Variants in NLRC5 observed in about 807,000 individuals in gnomAD.
NLRC5 encodes protein NLRC5.
A neutral mutation model predicts 206.9 loss-of-function variants in NLRC5; 114 were observed. The ratio of observed to expected loss-of-function variants is 0.55; its 90% confidence interval spans 0.47 to 0.64. The LOEUF is 0.64. Among genes scored for constraint, NLRC5 ranks in the 30% least tolerant of loss-of-function variants. NLRC5 has a pLI of 0.00. For synonymous variants in NLRC5, 952 were observed against 962.8 expected, an observed-to-expected ratio of 0.99 and a Z score of 0.21; for missense variants, 2,008 against 2,305.5, an observed-to-expected ratio of 0.87 and a Z score of 2.64.
At chr16:57,031,506 G>T (rs758316062) in intron 11 of NLRC5, 43 bp downstream of exon 11, 2 of 1,602,568 alleles carry the variant, frequency 1.2e-6, no homozygotes, top group Non-Finnish European at 1.7e-6. Flanking sequence ...ATCCTTAGAA[G>T]CAACTTGGGC....
intron 4 of NLRC5, 110 bp downstream of exon 4, chr16:57,022,425 C>A: frequency 1.1e-6 from 1 of 936,934 alleles, no homozygotes; most frequent in Non-Finnish European, 1.7e-6. Context: ...AGCCATTTCT[C>A]ATAGGCCATG....
At chr16:56,998,256 G>GA (rs2057863431) in intron 1 of NLRC5, among the ~76,000 whole-genome samples, 2 of 149,100 alleles carry the variant, frequency 1.3e-5, no homozygotes, top group African/African-American at 5.0e-5. Context: ...AGTAAGACAC[G>GA]AATCAGTCTT....
intron 1 of NLRC5, among the ~76,000 whole-genome samples, chr16:56,993,136 C>CGTATATATGTGT (rs1283484103): frequency 2.4e-5 from 2 of 83,976 alleles, no homozygotes; most frequent in Admixed American, 1.2e-4. Flanking sequence ...TATATATACA[C>CGTATATATGTGT]ACACACACAC....
At chr16:56,993,321 T>C (rs1051420083) in intron 1 of NLRC5, among the ~76,000 whole-genome samples, 1 of 152,194 alleles carries the variant, frequency 6.6e-6, no homozygotes, top group African/African-American at 2.4e-5. Flanking sequence ...CTCTTTCTTT[T>C]TAACAGCTGC....
At position 57,026,322 on chromosome 16, in the gene NLRC5, TG is replaced by T. The variant is rs762883583; in HGVS notation, c.1384del (p.Glu462ArgfsTer4). ...TTGCCCACCTCGTCCCTACTGGACC[TG>T]GGGGAGGTGGCCCTGAGGGGCCTGG... is the stretch of plus-strand genomic sequence containing the variant. ...GHLPTSSLLD[L>X]GEVALRGLET... On this transcript the variant is annotated frameshift_variant, in exon 6 of 49. Transcript: ENST00000688547. LOFTEE classifies it high-confidence loss of function. 6.2e-7 allele frequency: 1 copy of T among 1,613,960 alleles called. No homozygotes were observed. The highest frequency in any genetic ancestry group is 8.5e-7 in the Non-Finnish European group (1 of 1,180,046).
intron 30 of NLRC5, 45 bp from the exon 31 acceptor site, chr16:57,061,403 G>T: frequency 6.3e-7 from 1 of 1,576,060 alleles, no homozygotes. Context: ...GAGCAGCAGT[G>T]CCCACAGGCC....
At chr16:57,033,383 C>A (rs1489734698) in intron 11 of NLRC5, among the ~76,000 whole-genome samples, 2 of 152,234 alleles carry the variant, frequency 1.3e-5, no homozygotes, top group Non-Finnish European at 2.9e-5. Context: ...CTATACATGG[C>A]AGAGCCAAAA....
intron 11 of NLRC5, among the ~76,000 whole-genome samples, chr16:57,031,763 C>G (rs2061909641): frequency 1.4e-5 from 2 of 147,672 alleles, no homozygotes; most frequent in South Asian, 4.5e-4. Flanking sequence ...ATGGTGAAAA[C>G]TCTGGAAAAG....
intron 26 of NLRC5, 131 bp from the exon 27 acceptor site, chr16:57,055,302 C>A: frequency 1.1e-6 from 1 of 946,982 alleles, no homozygotes; most frequent in Non-Finnish European, 1.6e-6. Flanking sequence ...ATTCTGGACA[C>A]TTCCAGAGGG....
At chr16:57,061,861 G>C (rs1363923879) in intron 32 of NLRC5, 160 bp downstream of exon 32, 1 of 1,535,702 alleles carries the variant, frequency 6.5e-7, no homozygotes, top group South Asian at 1.2e-5. Flanking sequence ...CTGTCCCAGA[G>C]ACTCCACAAG....
At chr16:57,010,527 C>T (rs575784286) in intron 1 of NLRC5, among the ~76,000 whole-genome samples, 7 of 152,276 alleles carry the variant, frequency 4.6e-5, no homozygotes, top group African/African-American at 1.7e-4. Flanking sequence ...GCACACACCA[C>T]CACGCCCAGC....
At position 57,046,614 on chromosome 16, in the gene NLRC5, G is replaced by T. The variant is rs61735909; in HGVS notation, c.3311G>T (p.Arg1104Leu). 1.2e-6 allele frequency: 2 copies of T among 1,614,028 alleles called. No homozygotes were observed. The highest frequency in any genetic ancestry group is 2.2e-5 in the South Asian group (2 of 91,080). Residue 1104 changes from arginine (R) to leucine (L), a missense_variant, in exon 22 of 49, where the codon CGT (arginine) becomes CTT (leucine). Arg to Leu is a moderately radical substitution (Grantham distance 102). Transcript: ENST00000688547. ...GCTGCAGCCAAGTTCTTAGGGTTCC[G>T]TCAGCGCTGCATCCCCAGGAGCCTC... ...FPAAAKFLGF[R>L]QRCIPRSLCL... is the part of the protein sequence containing the mutation.
intron 1 of NLRC5, among the ~76,000 whole-genome samples, chr16:57,000,014 G>A (rs1244557667): frequency 6.6e-6 from 1 of 152,216 alleles, no homozygotes; most frequent in Non-Finnish European, 1.5e-5. Flanking sequence ...CTGGAGTGTG[G>A]CCCATTGGGA....
rs142333493 is a variant in NLRC5, at chr16:57,033,629, G to T, written c.2503G>T (p.Gly835Cys). ...AGCTCCAGACCTGCAGGAAAGTGAC[G>T]GCCAGAGGAAAGGGGCTCAGAGCAG... ...QRAPDLQESD[G>C]QRKGAQSRSL... Residue 835 changes from glycine (G) to cysteine (C), a missense_variant, in exon 12 of 49, where the codon GGC becomes TGC. Transcript: ENST00000688547. The T allele has an allele frequency of 5.7e-5, 92 of 1,613,978 alleles. 1 individual carries two copies. The African/African-American group carries it at 1.1e-3, about 19-fold the overall frequency.
rs373813453 is a variant in NLRC5 at position 57,055,056 on chromosome 16, C to G, written c.3621C>G (p.His1207Gln). 127 of 1,614,118 alleles carry G rather than the reference C, an allele frequency of 7.9e-5. 1 individual carries two copies. The highest frequency in any genetic ancestry group is 5.8e-4 in the Admixed American group (35 of 60,014). Residue 1207 changes from histidine (H) to glutamine (Q), a missense_variant, in exon 26 of 49, where the codon CAC (histidine) becomes CAG (glutamine). Coordinates refer to ENST00000688547, the MANE Select transcript of NLRC5 (RefSeq NM_001384950.1). ...DLRSLHHATL[H>Q]FRSNEEEEGV... is the part of the protein sequence containing the mutation. ...GGTCCCTGCACCATGCAACTTTGCA[C>G]TTCAGATCCAACGAGGAGGAGGAAG...
In NLRC5 at chr16:57,025,573, G is replaced by C; in HGVS notation, c.630G>C (p.Ser210=). 1 of 1,614,060 alleles carries C rather than the reference G, an allele frequency of 6.2e-7. No individual in the cohort carries two copies. Among genetic ancestry groups the C allele is most frequent in the Non-Finnish European group, 8.5e-7 (1 of 1,179,972 alleles). The change falls in exon 6 of 49, where the codon TCG becomes TCC. Residue 210 remains serine, a synonymous_variant. Coordinates refer to ENST00000688547, the MANE Select transcript of NLRC5 (RefSeq NM_001384950.1). ...KVEDGADVSI[S]DLFNTRVNKG... ...AAGATGGTGCTGACGTGAGCATCTC[G>C]GACCTCTTCAACACCAGGGTTAACA...
intron 33 of NLRC5, among the ~76,000 whole-genome samples, chr16:57,065,758 C>T (rs574750259): frequency 3.3e-5 from 5 of 152,234 alleles, no homozygotes; most frequent in Admixed American, 6.5e-5. Context: ...CAACCTCCTG[C>T]TCTTAAAAGA....
chr16:57,021,956 T>TAC (rs1180467172), intron 3 of NLRC5, among the ~76,000 whole-genome samples: 1 of 152,228 alleles, frequency 6.6e-6, no homozygotes, highest in Admixed American at 6.5e-5. Flanking sequence ...TACATGTGGG[T>TAC]ATGTGCGTAA....
Position 57,040,709 on chromosome 16 carries a change from G to T in NLRC5, c.2930G>T (p.Arg977Leu). 6.2e-7 allele frequency: 1 copy of T among 1,614,122 alleles called. No individual in the cohort carries two copies. The highest frequency in any genetic ancestry group is 8.5e-7 in the Non-Finnish European group (1 of 1,179,990). Residue 977 changes from arginine to leucine, a missense_variant, in exon 17 of 49, where the codon CGA (arginine) becomes CTA (leucine). Physicochemically the swap from Arg to Leu is moderately radical, Grantham distance 102 (BLOSUM62 -2). Coordinates refer to ENST00000688547, the MANE Select transcript of NLRC5 (RefSeq NM_001384950.1). ...CCCTCTGAGCTGCCTCTGAGCTCCCGAAGGATGAGGTACAGTGATGGCCTC... is the reference window on the plus strand; with the variant it reads ...CCCTCTGAGCTGCCTCTGAGCTCCCTAAGGATGAGGTACAGTGATGGCCTC... ...QMPSELPLSSRRMRLTHCGLQ... is the reference protein window; with the variant it reads ...QMPSELPLSSLRMRLTHCGLQ...
Sources: gnomAD v4.1 joint callset for allele counts (sites outside exome capture counted in the v4.1 genomes callset) on GRCh38, gnomAD v4.1.1 for gene constraint, MANE v1.5 for transcripts, NCBI Gene and HGNC (gene_info 2026-07-23, HGNC 2026-07-21) for gene names.